Variants in PCDHGA5 observed in about 807,000 individuals in gnomAD.
PCDHGA5 encodes the protein protocadherin gamma-A5.
A neutral mutation model predicts 56.7 loss-of-function variants in PCDHGA5; 36 were observed. The ratio of observed to expected loss-of-function variants is 0.64; its 90% CI spans 0.49 to 0.84. The LOEUF is 0.84. Ranked by LOEUF, PCDHGA5 falls within the 40% of genes least tolerant of loss-of-function variation. The pLI is 0.00. For synonymous variants in PCDHGA5, 563 were observed against 520.2 expected (o/e 1.08, Z -1.12); for missense variants, 1,305 against 1,201.5 (o/e 1.09, Z -1.27).
At chr5:141,371,984 C>G (rs761389914) in intron 1 of PCDHGA5, 4 of 1,613,266 alleles carry the variant, frequency 2.5e-6, no homozygotes, top group Non-Finnish European at 2.5e-6. Context: ...CCTTCGAGCT[C>G]ACTCTGCAGG....
intron 1 of PCDHGA5, chr5:141,416,339 A>T (rs2096016775): frequency 6.6e-6 from 1 of 152,218 alleles, no homozygotes; most frequent in African/African-American, 2.4e-5. Context: ...TCATTGCTCA[A>T]TAGGGATCCT....
At chr5:141,456,599 A>T (rs2098870253) in intron 1 of PCDHGA5, among the ~76,000 whole-genome samples, 1 of 152,174 alleles carries the variant, frequency 6.6e-6, no homozygotes, top group African/African-American at 2.4e-5. Flanking sequence ...TTTTGATTTG[A>T]TTTTTAAGTC....
rs554670088 is a variant in PCDHGA5 at position 141,391,069 on chromosome 5, T to C, written c.2421+24318T>C. The C allele has an allele frequency of 4.1e-4, 63 of 152,324 alleles. 1 individual carries two copies. Among genetic ancestry groups the C allele is most frequent in the African/African-American group, 1.4e-3 (59 of 41,576 alleles). The allele number at this position is 152,324 out of a possible 1,614,324, so 9.4% of individuals were successfully genotyped here. A position where few individuals can be genotyped will look rare whatever the true frequency, so the allele number is the denominator to read the frequency against. ...GTCCCTCTCACACACAGCCCTAATA[T>C]ATAATGTGTAACTGCCTTATCTGCA... On this transcript the variant is annotated intron_variant, in intron 1 of 3. Transcript: ENST00000518069.
chr5:141,399,460 G>T (rs1465606526), intron 1 of PCDHGA5: 1 of 1,613,962 alleles, frequency 6.2e-7, no homozygotes, highest in Middle Eastern at 1.6e-4. Flanking sequence ...CAACGATAAC[G>T]CTCCGGTTTT....
intron 1 of PCDHGA5, chr5:141,382,773 T>C: frequency 1.3e-6 from 1 of 782,328 alleles, no homozygotes; most frequent in Non-Finnish European, 2.0e-6. Context: ...CAGGCTGCAC[T>C]AAACTCAAGC....
rs2099748032 is a variant in PCDHGA5 at position 141,493,397 on chromosome 5, G to A, written c.2422-1410G>A. ...TTAAAAGCTTGAGGACAGGAGAGGG[G>A]AGTTGCCTCTGCTGGGATTTTGCTT... On this transcript the variant is annotated intron_variant, in intron 1 of 3. Coordinates refer to ENST00000518069, the MANE Select transcript of PCDHGA5 (RefSeq NM_018918.3). This position sits in a 1 kb window ranked among gnomAD's most constrained non-coding sequence, Gnocchi z 4.3. Among the ~76,000 whole-genome samples the A allele has an allele frequency of 6.6e-6, 1 of 152,176 alleles. No individual in the cohort carries two copies. Among genetic ancestry groups the A allele is most frequent in the Non-Finnish European group, 1.5e-5 (1 of 68,040 alleles).
At chr5:141,444,178 TTTTTTTTTTTG>T in intron 1 of PCDHGA5, among the ~76,000 whole-genome samples, 1 of 134,050 alleles carries the variant, frequency 7.5e-6, no homozygotes, top group Admixed American at 7.5e-5. Flanking sequence ...TTTTTTTTTT[TTTTTTTTTTTG>T]AGATGGAGTT....
At position 141,371,601 on chromosome 5, in the gene PCDHGA5, A is replaced by G. The variant is rs770903429; in HGVS notation, c.2421+4850A>G. 5 of 1,613,988 alleles carry G rather than the reference A, an allele frequency of 3.1e-6. No homozygotes were observed. The East Asian group carries it at 8.9e-5, about 29-fold the overall frequency. ...CGTTCAAGATACCAAAAACACATAC[A>G]GGTTGGTGACAGATGGAGCCCTGGA... On this transcript the variant is annotated intron_variant, in intron 1 of 3. Transcript: ENST00000518069.
rs1449596963 is a variant in PCDHGA5 at position 141,366,182 on chromosome 5, G to T, written c.1852G>T (p.Ala618Ser). The change falls in exon 1 of 4, where the codon GCG (alanine) becomes TCG (serine). Residue 618 changes from alanine to serine, a missense_variant. By Grantham distance (99) the Ala-to-Ser change is moderately conservative. Transcript: ENST00000518069. The part of the protein sequence containing the change: ...LLKASEPGLF[A>S]VGLHTGEVRT... ...TAAGGCCAGCGAGCCAGGACTCTTT[G>T]CGGTTGGGCTGCACACGGGCGAGGT... 2.5e-6 allele frequency: 4 copies of T among 1,613,888 alleles called. No homozygotes were observed. The highest frequency in any genetic ancestry group is 1.3e-5 in the African/African-American group (1 of 74,956).
intron 1 of PCDHGA5, among the ~76,000 whole-genome samples, chr5:141,447,405 T>C (rs1045202682): frequency 6.6e-6 from 1 of 152,068 alleles, no homozygotes; most frequent in Non-Finnish European, 1.5e-5. Context: ...CCCAAAGTGC[T>C]GGGATTACAG....
Position 141,511,132 on chromosome 5 carries a change from A to G in PCDHGA5, c.2755A>G (p.Asn919Asp). The change falls in exon 4 of 4, where the codon AAT (asparagine) becomes GAT (aspartate). Residue 919 changes from asparagine to aspartate, a missense_variant. Coordinates refer to ENST00000518069, the MANE Select transcript of PCDHGA5 (RefSeq NM_018918.3). ...GGATGGCAAGGCCCCAGCAGGTGGC[A>G]ATGGCAACAAGAAGAAGTCGGGCAA... ...KRDGKAPAGG[N>D]GNKKKSGKKE... is the part of the protein sequence containing the mutation. The G allele has an allele frequency of 6.2e-7, 1 of 1,614,218 alleles. No individual in the cohort carries two copies. Among genetic ancestry groups the G allele is most frequent in the Non-Finnish European group, 8.5e-7 (1 of 1,180,018 alleles).
Position 141,414,697 on chromosome 5 carries a change from T to A in PCDHGA5, c.2421+47946T>A, listed in dbSNP as rs748722995. The A allele has an allele frequency of 9.3e-6, 15 of 1,614,036 alleles. No homozygotes were observed. Among genetic ancestry groups the A allele is most frequent in the Non-Finnish European group, 1.3e-5 (15 of 1,179,930 alleles). ...CATCCAGGGGGTACCTCTGTCCTCA[T>A]ACATATCCATCAACTCAGACACTGG... is the stretch of plus-strand genomic sequence containing the variant. On this transcript the variant is annotated intron_variant, in intron 1 of 3. Transcript: ENST00000518069.
At chr5:141,455,330 G>T (rs2098819667) in intron 1 of PCDHGA5, among the ~76,000 whole-genome samples, 1 of 152,042 alleles carries the variant, frequency 6.6e-6, no homozygotes, top group South Asian at 2.1e-4. Context: ...GTGTGTTTGT[G>T]GTTTTAAGGA....
At chr5:141,396,033 C>G (rs191318626) in intron 1 of PCDHGA5, 2 of 152,280 alleles carry the variant, frequency 1.3e-5, no homozygotes, top group South Asian at 2.1e-4. Flanking sequence ...TATGTAAGAA[C>G]ATATTTCAAT....
At chr5:141,387,600 A>T (rs1033182750) in intron 1 of PCDHGA5, 3 of 541,478 alleles carry the variant, frequency 5.5e-6, no homozygotes, top group Admixed American at 7.3e-5. Context: ...GAAGCAGCAG[A>T]GGCTGTAGTT....
chr5:141,444,093 G>A (rs531514787), intron 1 of PCDHGA5, among the ~76,000 whole-genome samples: 1 of 147,730 alleles, frequency 6.8e-6, no homozygotes, highest in East Asian at 2.0e-4. Flanking sequence ...GTCTGCTAAG[G>A]ATTGGAAACC....
intron 1 of PCDHGA5, among the ~76,000 whole-genome samples, chr5:141,445,929 A>G (rs1388363296): frequency 6.6e-6 from 1 of 152,208 alleles, no homozygotes; most frequent in Non-Finnish European, 1.5e-5. Context: ...AAGATATTTG[A>G]ATTATTAAGC....
At chr5:141,496,021 G>A (rs1011612662) in intron 2 of PCDHGA5, among the ~76,000 whole-genome samples, 1 of 151,336 alleles carries the variant, frequency 6.6e-6, no homozygotes, top group Admixed American at 6.6e-5. Context: ...TTTTCTCTGA[G>A]CCTCTGTCTC....
chr5:141,374,326 C>A, intron 1 of PCDHGA5: 1 of 1,613,980 alleles, frequency 6.2e-7, no homozygotes, highest in Non-Finnish European at 8.5e-7. Context: ...ATCCGCGAAA[C>A]GGCAGCTTGG....
Sources: allele counts gnomAD v4.1 joint callset (sites outside exome capture counted in the v4.1 genomes callset), GRCh38; gene constraint gnomAD v4.1.1; non-coding constraint Gnocchi (gnomAD v3.1); transcripts MANE v1.5; gene names NCBI Gene and HGNC (gene_info 2026-07-23, HGNC 2026-07-21).